The following PARD3 variants were observed in gnomAD, a reference collection of about 807,000 sequenced individuals.
The protein encoded by PARD3 is par-3 family cell polarity regulator.
In PARD3, 75 loss-of-function variants were observed where a neutral mutation model predicts 155.4. The observed-to-expected ratio is 0.48, with a 90% CI of 0.40 to 0.58. The LOEUF (loss-of-function observed/expected upper bound fraction) is 0.58. Among genes scored for constraint, PARD3 ranks in the 20% least tolerant of loss-of-function variants. The probability of loss-of-function intolerance (pLI) is 0.00; values close to 1 mark genes in which losing one functional copy is unlikely to be tolerated. For missense variants in PARD3, 1,642 were observed against 1,721.7 expected (o/e 0.95, Z 0.82); for synonymous variants, 576 against 610.5 (o/e 0.94, Z 0.83).
Position 34,689,537 on chromosome 10 carries a change from C to T in PARD3, c.222+6781G>A, listed in dbSNP as rs146333858. Among the ~76,000 whole-genome samples, 5 of 152,178 alleles carry T rather than the reference C, an allele frequency of 3.3e-5. No homozygotes were observed. In the East Asian group the frequency reaches 9.7e-4, roughly 29 times the overall value. On this transcript the variant is annotated intron_variant, in intron 2 of 24. Coordinates refer to ENST00000374788, the MANE Select transcript of PARD3 (RefSeq NM_001184785.2). ...ACTTCAGTCTATGGTATAAGGTGCT[C>T]TAGCATTTTTCTATTTGGAAACTGA...
At chr10:34,561,196 AG>A (rs2085443820) in intron 2 of PARD3, among the ~76,000 whole-genome samples, 1 of 152,138 alleles carries the variant, frequency 6.6e-6, no homozygotes, top group South Asian at 2.1e-4. Flanking sequence ...GAAAATCAAG[AG>A]GTCTCTGAAA....
At chr10:34,208,799 A>T (rs533385479) in intron 22 of PARD3, among the ~76,000 whole-genome samples, 3 of 152,288 alleles carry the variant, frequency 2.0e-5, no homozygotes, top group South Asian at 4.2e-4. Flanking sequence ...TGGGGCAAGC[A>T]TTCTGAGTTC....
At chr10:34,401,457 T>G (rs543795325) in intron 6 of PARD3, among the ~76,000 whole-genome samples, 137 of 152,304 alleles carry the variant, frequency 9.0e-4, no homozygotes, top group Non-Finnish European at 1.7e-3. Flanking sequence ...TTTTTTTAAT[T>G]TAGCAAAGTG....
At chr10:34,415,511 CAT>C (rs903732315) in intron 5 of PARD3, among the ~76,000 whole-genome samples, 5 of 152,174 alleles carry the variant, frequency 3.3e-5, no homozygotes, top group Admixed American at 6.5e-5. Context: ...TCATATATCA[CAT>C]GTTTAAATGT....
chr10:34,586,455 A>G (rs1446084277), intron 2 of PARD3, among the ~76,000 whole-genome samples: 1 of 152,220 alleles, frequency 6.6e-6, no homozygotes, highest in African/African-American at 2.4e-5. Context: ...AGATAGGTCT[A>G]AAGATGTATG....
chr10:34,119,025 C>T (rs74131764), intron 24 of PARD3, among the ~76,000 whole-genome samples: 3,081 of 152,250 alleles, frequency 0.02, 111 homozygotes, highest in African/African-American at 0.068. Context: ...TGGGCCAAGG[C>T]GTCTCCCCTG....
intron 22 of PARD3, among the ~76,000 whole-genome samples, chr10:34,163,487 T>G (rs1338843801): frequency 6.6e-6 from 1 of 152,086 alleles, no homozygotes; most frequent in African/African-American, 2.4e-5. Flanking sequence ...CACAGAACAC[T>G]CAACCACGGA....
rs768923874 is a variant in PARD3 at position 34,683,691 on chromosome 10, G to A, written c.222+12627C>T. 5.3e-5 allele frequency among the ~76,000 whole-genome samples: 8 copies of A among 151,958 alleles called. No homozygotes were observed. In the East Asian group the frequency reaches 5.8e-4, roughly 11 times the overall value. ...GATAAGCAAAGTCTTGAGGGCTTTC[G>A]CTAGAAGGACTGAGGCCCAGCCCAT... On this transcript the variant is annotated intron_variant, in intron 2 of 24. Coordinates refer to ENST00000374788, the MANE Select transcript of PARD3 (RefSeq NM_001184785.2).
At chr10:34,145,185 G>A (rs12768187) in intron 22 of PARD3, among the ~76,000 whole-genome samples, 2,240 of 76,610 alleles carry the variant, frequency 0.029, 134 homozygotes, top group African/African-American at 0.12. Flanking sequence ...TTGTGTGTGT[G>A]TGTGTATATA....
chr10:34,609,852 G>A (rs1250634261), intron 2 of PARD3, among the ~76,000 whole-genome samples: 2 of 152,178 alleles, frequency 1.3e-5, no homozygotes, highest in African/African-American at 4.8e-5. Context: ...TTTAAAACCA[G>A]CAGAAATTAG....
At chr10:34,123,557 C>T (rs1947118485) in intron 23 of PARD3, among the ~76,000 whole-genome samples, 1 of 152,004 alleles carries the variant, frequency 6.6e-6, no homozygotes, top group African/African-American at 2.4e-5. Flanking sequence ...TCCTCAGTAG[C>T]CAGGACTACA....
intron 14 of PARD3, among the ~76,000 whole-genome samples, chr10:34,358,013 T>G (rs1839069197): frequency 6.6e-6 from 1 of 152,208 alleles, no homozygotes; most frequent in South Asian, 2.1e-4. Flanking sequence ...CTTAAACAAC[T>G]TAGGTATAAT....
intron 23 of PARD3, among the ~76,000 whole-genome samples, chr10:34,128,458 T>C (rs997119722): frequency 1.3e-5 from 2 of 152,218 alleles, no homozygotes; most frequent in African/African-American, 2.4e-5. Context: ...ATACATAAAA[T>C]GTACAGAGTG....
chr10:34,749,177 C>T (rs555966037), intron 1 of PARD3, among the ~76,000 whole-genome samples: 1 of 152,182 alleles, frequency 6.6e-6, no homozygotes. Flanking sequence ...ATAGCAGTCA[C>T]ATGTTCTTAT....
chr10:34,294,551 A>C lies in PARD3; in HGVS notation c.3066-10306T>G, dbSNP rs907508656. Among the ~76,000 whole-genome samples the C allele has an allele frequency of 2.0e-5, 3 of 152,354 alleles. 1 individual carries two copies. On this transcript the variant is annotated intron_variant, in intron 20 of 24. Transcript: ENST00000374788. ...CTTTTTTCTGTTGATTATAGGAAAC[A>C]ATTCCTTTTGATTCACATTTCTTAG...
chr10:34,728,581 C>A (rs2094760113), intron 1 of PARD3, among the ~76,000 whole-genome samples: 1 of 152,190 alleles, frequency 6.6e-6, no homozygotes. Flanking sequence ...TGTCCTAATG[C>A]TGCTAATCAG....
At chr10:34,301,668 G>C (rs1464753729) in intron 20 of PARD3, among the ~76,000 whole-genome samples, 1 of 152,024 alleles carries the variant, frequency 6.6e-6, no homozygotes, top group African/African-American at 2.4e-5. Flanking sequence ...GTTCCCTCCA[G>C]GTAGACATAT....
At chr10:34,291,131 A>C (rs1030932557) in intron 20 of PARD3, among the ~76,000 whole-genome samples, 1 of 152,164 alleles carries the variant, frequency 6.6e-6, no homozygotes, top group African/African-American at 2.4e-5. Context: ...TAACAAACTT[A>C]CTTTTGCTTA....
At chr10:34,511,358 T>TA (rs1358232934) in intron 3 of PARD3, among the ~76,000 whole-genome samples, 1 of 152,232 alleles carries the variant, frequency 6.6e-6, no homozygotes, top group Non-Finnish European at 1.5e-5. Context: ...GTGACTGTCT[T>TA]AGTTCATTTT....
Sources: gnomAD v4.1 joint callset for allele counts (sites outside exome capture counted in the v4.1 genomes callset) on GRCh38, gnomAD v4.1.1 for gene constraint, MANE v1.5 for transcripts, NCBI Gene and HGNC (gene_info 2026-07-23, HGNC 2026-07-21) for gene names.